The following BIN2 variants were observed in gnomAD, a reference collection of about 807,000 sequenced individuals.
The protein encoded by BIN2 is bridging integrator 2.
BIN2 carries 43 observed loss-of-function variants against 67.9 expected under a neutral mutation model. That is an observed-to-expected ratio of 0.63 (90% CI 0.50 to 0.82). BIN2 has a LOEUF of 0.82. Among genes scored for constraint, BIN2 ranks in the 40% least tolerant of loss-of-function variants. The pLI is 0.00. For missense variants in BIN2, 581 were observed against 671.6 expected (o/e 0.87, Z 1.49); for synonymous variants, 244 against 246.8 (o/e 0.99, Z 0.11).
chr12:51,295,784 G>C lies in BIN2; in HGVS notation c.761+12C>G, dbSNP rs758257046. On this transcript the variant is annotated intron_variant, in intron 9 of 12. Transcript: ENST00000615107. ...GGACAAGCGAAGCAAAAAAGTCTTG[G>C]ATGCTGCTCACCTTGACAGTCCCTT... The C allele has an allele frequency of 3.1e-6, 5 of 1,611,502 alleles. No homozygotes were observed. Among genetic ancestry groups the C allele is most frequent in the Non-Finnish European group, 3.4e-6 (4 of 1,179,046 alleles).
In BIN2 at chr12:51,299,692, C is replaced by T. The variant is rs1329459156; in HGVS notation, c.431G>A (p.Arg144Gln). ...EIKERIAKRG[R>Q]KLVDYDSARH... ...GGCACTGTCATAGTCCACGAGTTTC[C>T]GACCCCGCTTGGCAATTCTCTCCTG... The change falls in exon 6 of 13, where the codon CGG (arginine) becomes CAG (glutamine). Residue 144 changes from arginine (R) to glutamine (Q), a missense_variant. By Grantham distance (43) the Arg-to-Gln change is conservative. Transcript: ENST00000615107. 1.7e-5 allele frequency: 27 copies of T among 1,613,880 alleles called. No homozygotes were observed. Among genetic ancestry groups the T allele is most frequent in the Non-Finnish European group, 2.0e-5 (24 of 1,180,024 alleles).
rs371296230 is a variant in BIN2, at chr12:51,295,872, G to A, written c.685C>T (p.His229Tyr). 20 of 1,612,086 alleles carry A rather than the reference G, an allele frequency of 1.2e-5. No homozygotes were observed. Among genetic ancestry groups the A allele is most frequent in the Non-Finnish European group, 1.7e-5 (20 of 1,179,088 alleles). The change falls in exon 9 of 13, where the codon CAC (histidine) becomes TAC (tyrosine). Residue 229 changes from histidine to tyrosine, a missense_variant. By Grantham distance (83) the His-to-Tyr change is moderately conservative. Transcript: ENST00000615107. ...VFYREMSKLNHNLYEVMSKLE... is the reference protein window; with the variant it reads ...VFYREMSKLNYNLYEVMSKLE... ...TTGCTCATCACCTCGTAGAGATTGTGGTTCAGCTAGAGCCAATAAGAAAGA... is the reference window on the plus strand; with the variant it reads ...TTGCTCATCACCTCGTAGAGATTGTAGTTCAGCTAGAGCCAATAAGAAAGA...
At chr12:51,317,864 T>G (rs1167017804) in intron 1 of BIN2, among the ~76,000 whole-genome samples, 1 of 151,842 alleles carries the variant, frequency 6.6e-6, no homozygotes, top group East Asian at 1.9e-4. Flanking sequence ...GGTGGGTGCC[T>G]GTAATCCCAG....
intron 11 of BIN2, among the ~76,000 whole-genome samples, chr12:51,287,578 TG>T (rs1212094787): frequency 2.6e-5 from 4 of 151,894 alleles, no homozygotes; most frequent in African/African-American, 9.7e-5. Flanking sequence ...TGACCTCAGG[TG>T]ATCCGCCCAC....
intron 1 of BIN2, among the ~76,000 whole-genome samples, chr12:51,315,215 G>A (rs1030243474): frequency 2.6e-5 from 4 of 151,782 alleles, no homozygotes; most frequent in African/African-American, 7.3e-5. Context: ...TGTCGCCCAG[G>A]CTGGAGTGCA....
At chr12:51,290,274 A>T (rs1945348753) in intron 10 of BIN2, among the ~76,000 whole-genome samples, 1 of 151,602 alleles carries the variant, frequency 6.6e-6, no homozygotes, top group Non-Finnish European at 1.5e-5. Flanking sequence ...GACTACAGAC[A>T]CCACCATGCC....
intron 4 of BIN2, 136 bp from the exon 5 acceptor site, chr12:51,302,251 C>G: frequency 1.6e-6 from 1 of 625,224 alleles, no homozygotes; most frequent in South Asian, 1.9e-5. Flanking sequence ...ATTCTGGGGA[C>G]TAGTCAGAGG....
At chr12:51,318,952 C>G (rs1343487447) in intron 1 of BIN2, among the ~76,000 whole-genome samples, 2 of 152,186 alleles carry the variant, frequency 1.3e-5, no homozygotes, top group African/African-American at 2.4e-5. Context: ...CCGTCTCTAA[C>G]TGCACCTCAC....
chr12:51,291,176 A>C (rs566148333), intron 10 of BIN2, among the ~76,000 whole-genome samples: 51 of 152,214 alleles, frequency 3.4e-4, no homozygotes, highest in East Asian at 5.8e-4. Context: ...AACAAACAAA[A>C]AAAAGTCAAT....
rs547948876 is a variant in BIN2, at chr12:51,313,742, C to T, written c.162+81G>A. ...CTTGGTGGAGATGTTTGCCAGTTTG[C>T]AGAACTTATTGTTCTTCTGCCACTC... On this transcript the variant is annotated intron_variant, in intron 2 of 12. Transcript: ENST00000615107. 5 of 1,300,098 alleles carry T rather than the reference C, an allele frequency of 3.8e-6. No individual in the cohort carries two copies. The African/African-American group carries it at 4.4e-5, about 11-fold the overall frequency. The allele number at this position is 1,300,098 out of a possible 1,614,324, so 80.5% of individuals were successfully genotyped here.
chr12:51,287,569 G>A (rs1420530505), intron 11 of BIN2, among the ~76,000 whole-genome samples: 2 of 151,900 alleles, frequency 1.3e-5, no homozygotes, highest in Non-Finnish European at 2.9e-5. Flanking sequence ...TCGAACTCCT[G>A]ACCTCAGGTG....
At chr12:51,305,351 C>T (rs575373169) in intron 2 of BIN2, among the ~76,000 whole-genome samples, 21 of 151,652 alleles carry the variant, frequency 1.4e-4, no homozygotes, top group African/African-American at 4.4e-4. Context: ...AAAGGCTGGG[C>T]GCAGTGGCTC....
intron 12 of BIN2, among the ~76,000 whole-genome samples, chr12:51,283,263 CAAAAA>C (rs56781092): frequency 0.23 from 28,911 of 125,626 alleles, 3,658 homozygotes; most frequent in Middle Eastern, 0.37. Flanking sequence ...GACTCCATCT[CAAAAA>C]AAAAAAAAAA....
chr12:51,284,839 C>A (rs952967863), intron 11 of BIN2, 52 bp from the exon 12 acceptor site: 3 of 1,350,928 alleles, frequency 2.2e-6, no homozygotes, highest in Admixed American at 3.4e-5. Context: ...TTTCCAGCCT[C>A]TCAGCATAGA....
intron 5 of BIN2, among the ~76,000 whole-genome samples, chr12:51,300,443 C>A (rs943465360): frequency 1.3e-5 from 2 of 152,156 alleles, no homozygotes; most frequent in Non-Finnish European, 2.9e-5. Context: ...ATCTGCCATT[C>A]ATAGCCTGTG....
chr12:51,302,206 T>A, intron 4 of BIN2, 91 bp from the exon 5 acceptor site: 1 of 894,472 alleles, frequency 1.1e-6, no homozygotes, highest in African/African-American at 1.7e-5. Context: ...TGCAAAAACC[T>A]TTTTTGTAGC....
intron 11 of BIN2, among the ~76,000 whole-genome samples, chr12:51,286,500 G>A (rs1945240137): frequency 6.6e-6 from 1 of 152,166 alleles, no homozygotes; most frequent in Non-Finnish European, 1.5e-5. Flanking sequence ...GTCAGAAAGA[G>A]TCTTGGCTCC....
At chr12:51,289,993 G>A (rs772183874) in intron 10 of BIN2, among the ~76,000 whole-genome samples, 1 of 151,974 alleles carries the variant, frequency 6.6e-6, no homozygotes, top group Non-Finnish European at 1.5e-5. Context: ...GAACTGAAGT[G>A]AGACCCACCC....
At chr12:51,299,848 G>GTTT in intron 5 of BIN2, 134 bp from the exon 6 acceptor site, 2 of 711,856 alleles carry the variant, frequency 2.8e-6, no homozygotes, top group Non-Finnish European at 4.8e-6. Context: ...TTTTGCTTTT[G>GTTT]TTTTTTTTGA....
Sources: gnomAD v4.1 joint callset for allele counts (sites outside exome capture counted in the v4.1 genomes callset) on GRCh38, gnomAD v4.1.1 for gene constraint, MANE v1.5 for transcripts, NCBI Gene and HGNC (gene_info 2026-07-23, HGNC 2026-07-21) for gene names.